Variants in PPP4R1 observed in about 807,000 individuals in gnomAD.
PPP4R1 encodes the protein serine/threonine-protein phosphatase 4 regulatory subunit 1.
Under a neutral mutation model 111.2 loss-of-function variants are expected in PPP4R1, and 42 were observed. The ratio of observed to expected loss-of-function variants is 0.38; its 90% CI spans 0.29 to 0.49. The LOEUF is 0.49. PPP4R1 is among the 20% of genes least tolerant of loss of function. The pLI is 0.97. For synonymous variants in PPP4R1, 409 were observed against 405.5 expected (o/e 1.01, Z -0.10); for missense variants, 1,012 against 1,161.6 (o/e 0.87, Z 1.87).
chr18:9,577,122 G>T lies in PPP4R1; in HGVS notation c.988C>A (p.Gln330Lys). 1 of 1,604,594 alleles carries T rather than the reference G, an allele frequency of 6.2e-7. No homozygotes were observed. The stretch of plus-strand genomic sequence containing the variant: ...CTTTTGCTTTCTTCTTTAAAATACT[G>T]GCCTGAGCTAGATGGATTAGCAAAA... ...STFANPSSSG[Q>K]YFKEESKSSE... Residue 330 changes from glutamine (Q) to lysine (K), a missense_variant, in exon 10 of 20, where the codon CAG becomes AAG. Gln to Lys is a moderately conservative substitution (Grantham distance 53, BLOSUM62 1). Coordinates refer to ENST00000400556, the MANE Select transcript of PPP4R1 (RefSeq NM_001042388.3).
At chr18:9,563,290 T>C (rs1401652490) in intron 12 of PPP4R1, 88 bp downstream of exon 12, 7 of 1,408,006 alleles carry the variant, frequency 5.0e-6, no homozygotes, top group African/African-American at 4.4e-5. Flanking sequence ...ACATACAAAC[T>C]AAAAGTGATT....
chr18:9,586,520 A>G (rs1334243926), intron 6 of PPP4R1, among the ~76,000 whole-genome samples: 1 of 152,172 alleles, frequency 6.6e-6, no homozygotes, highest in African/African-American at 2.4e-5. Flanking sequence ...TATGTCATGT[A>G]AGGTTCACTT....
chr18:9,556,904 G>A (rs2066596555), intron 15 of PPP4R1: 2 of 190,762 alleles, frequency 1.0e-5, no homozygotes, highest in African/African-American at 4.7e-5. Flanking sequence ...GGGTGTGCAT[G>A]GGGGACCTGG....
intron 10 of PPP4R1, among the ~76,000 whole-genome samples, chr18:9,576,260 T>C (rs1236230994): frequency 6.6e-6 from 1 of 152,150 alleles, no homozygotes. Context: ...AAAGACACTA[T>C]GGTAACTCAA....
At chr18:9,550,578 A>G (rs1336090803) in intron 16 of PPP4R1, 180 bp from the exon 17 acceptor site, 1 of 671,258 alleles carries the variant, frequency 1.5e-6, no homozygotes, top group East Asian at 2.8e-5. Context: ...TGTATCTGGA[A>G]ATGCACTTAC....
At chr18:9,591,671 T>C (rs889675469) in intron 4 of PPP4R1, among the ~76,000 whole-genome samples, 2 of 152,210 alleles carry the variant, frequency 1.3e-5, no homozygotes, top group Non-Finnish European at 2.9e-5. Flanking sequence ...TCCTAAAAAT[T>C]AGAAACCTCA....
At chr18:9,572,371 AGAGAT>A (rs1315523795) in intron 10 of PPP4R1, among the ~76,000 whole-genome samples, 1 of 152,236 alleles carries the variant, frequency 6.6e-6, no homozygotes, top group Admixed American at 6.5e-5. Flanking sequence ...ATAGGTTAGA[AGAGAT>A]GAAAGAACTG....
At chr18:9,603,153 G>A (rs1373919068) in intron 2 of PPP4R1, among the ~76,000 whole-genome samples, 1 of 113,148 alleles carries the variant, frequency 8.8e-6, no homozygotes, top group Non-Finnish European at 1.8e-5. Flanking sequence ...GTTTTTAATA[G>A]TTTTCATTCA....
chr18:9,558,866 C>T (rs986225593), intron 14 of PPP4R1, among the ~76,000 whole-genome samples: 2 of 151,994 alleles, frequency 1.3e-5, no homozygotes, highest in African/African-American at 2.4e-5. Context: ...GACAAAATGA[C>T]GTGAAGCAAG....
intron 16 of PPP4R1, chr18:9,551,138 T>C (rs2066482309): frequency 6.6e-6 from 1 of 152,110 alleles, no homozygotes; most frequent in South Asian, 2.1e-4. Flanking sequence ...AAATTCAAAA[T>C]AAAAATTCCA....
chr18:9,556,005 C>CA (rs2066574733), intron 15 of PPP4R1, among the ~76,000 whole-genome samples: 1 of 90,808 alleles, frequency 1.1e-5, no homozygotes, highest in Non-Finnish European at 2.4e-5. Context: ...AACAAAAAAA[C>CA]ACAAAATCGG....
intron 2 of PPP4R1, among the ~76,000 whole-genome samples, chr18:9,605,727 C>CA (rs1359225519): frequency 2.0e-5 from 3 of 152,062 alleles, no homozygotes; most frequent in Non-Finnish European, 2.9e-5. Flanking sequence ...AATGTCCTTA[C>CA]AGCAAAAGAC....
chr18:9,588,978 C>T (rs1157599917), intron 4 of PPP4R1, 125 bp from the exon 5 acceptor site: 1 of 1,182,184 alleles, frequency 8.5e-7, no homozygotes, highest in African/African-American at 1.5e-5. Flanking sequence ...CTTGAGACAA[C>T]ATCCTTTAAT....
In PPP4R1 at chr18:9,588,693, T is replaced by A. The variant is rs766120859; in HGVS notation, c.438+18A>T. On this transcript the variant is annotated intron_variant, in intron 5 of 19. Coordinates refer to ENST00000400556, the MANE Select transcript of PPP4R1 (RefSeq NM_001042388.3). ...ACTACGTAAATTTCTTTTAAGAACA[T>A]ATAAATGGTACTCTTACCTGATTAT... 3.7e-5 allele frequency: 58 copies of A among 1,586,506 alleles called. 1 individual carries two copies. The highest frequency in any genetic ancestry group is 5.0e-5 in the Non-Finnish European group (58 of 1,162,160).
intron 2 of PPP4R1, among the ~76,000 whole-genome samples, chr18:9,596,227 G>T (rs2067287635): frequency 6.6e-6 from 1 of 152,158 alleles, no homozygotes; most frequent in Non-Finnish European, 1.5e-5. Flanking sequence ...AATATAAATT[G>T]AAGTTTTAGC....
rs566072331 is a variant in PPP4R1 at position 9,577,872 on chromosome 18, A to C, written c.919-681T>G. On this transcript the variant is annotated intron_variant, in intron 9 of 19. Coordinates refer to ENST00000400556, the MANE Select transcript of PPP4R1 (RefSeq NM_001042388.3). ...GCCACAAAGAACATAAAAATCAATA[A>C]AGCCAACAAAATGTGATAAATACAT... Among the ~76,000 whole-genome samples, 7 of 152,364 alleles carry C rather than the reference A, an allele frequency of 4.6e-5. No individual in the cohort carries two copies. In the South Asian group the frequency reaches 1.5e-3, roughly 32 times the overall value.
chr18:9,570,342 A>G lies in PPP4R1; in HGVS notation c.1388T>C (p.Leu463Pro), dbSNP rs771344114. 1.7e-5 allele frequency: 27 copies of G among 1,611,256 alleles called. No individual in the cohort carries two copies. Among genetic ancestry groups the G allele is most frequent in the Non-Finnish European group, 2.1e-5 (25 of 1,178,864 alleles). Residue 463 changes from leucine (L) to proline (P), a missense_variant, in exon 11 of 20, where the codon CTT becomes CCT. Around this residue, in one of 2 missense-constraint regions of PPP4R1, gnomAD observed 707 missense variants for 742.1 expected, o/e 0.95. Transcript: ENST00000400556. ...CTCTATGTCTAGATCTATTTCAGGA[A>G]GAGGAGTCCTCCAGAAATGGAAGGA... ...YNSFHFWRTP[L>P]PEIDLDIELE...
rs144154581 is a variant in PPP4R1 at position 9,575,363 on chromosome 18, T to C, written c.1046+1701A>G. On this transcript the variant is annotated intron_variant, in intron 10 of 19. Transcript: ENST00000400556. ...GCTTAAAACAAATGCCACTGTGCTA[T>C]TTAAGGGAGGGCAAACAAACTAATG... Among the ~76,000 whole-genome samples, 58 of 152,328 alleles carry C rather than the reference T, an allele frequency of 3.8e-4. 2 individuals carry two copies. In the East Asian group the frequency reaches 0.011, roughly 29 times the overall value.
intron 13 of PPP4R1, 31 bp from the exon 14 acceptor site, chr18:9,559,635 A>G (rs1343690204): frequency 6.7e-7 from 1 of 1,493,762 alleles, no homozygotes; most frequent in East Asian, 2.4e-5. Context: ...ACAGTGACTG[A>G]GCAGCTGAGA....
Sources: allele counts gnomAD v4.1 joint callset (sites outside exome capture counted in the v4.1 genomes callset), GRCh38; gene constraint gnomAD v4.1.1; regional missense constraint gnomAD v4.1.1; transcripts MANE v1.5; gene names NCBI Gene and HGNC (gene_info 2026-07-23, HGNC 2026-07-21).